CAMKMT: variants seen among roughly 807,000 people sequenced by gnomAD.
CAMKMT encodes the protein CaM KMT.
Under a neutral mutation model 48.0 loss-of-function variants are expected in CAMKMT, and 53 were observed. The ratio of observed to expected loss-of-function variants is 1.10; its 90% confidence interval spans 0.89 to 1.39. The LOEUF (loss-of-function observed/expected upper bound fraction) is 1.39. Ranked by LOEUF, CAMKMT falls within the 40% of genes most tolerant of loss-of-function variation. CAMKMT has a pLI of 0.00. For missense variants in CAMKMT, 428 were observed against 402.7 expected (o/e 1.06, Z -0.54); for synonymous variants, 165 against 152.3 (o/e 1.08, Z -0.61).
chr2:44,618,417 C>T lies in CAMKMT; in HGVS notation c.377-85866C>T, dbSNP rs565913270. On this transcript the variant is annotated intron_variant, in intron 3 of 10. Coordinates refer to ENST00000378494, the MANE Select transcript of CAMKMT (RefSeq NM_024766.5). This position sits in a 1 kb window ranked among gnomAD's most constrained non-coding sequence, Gnocchi z 4.0. ...CCAATTCCCAAGCCTGTCAGCAGAA[C>T]CAATTAGATTTTCAACCAGTAGACA... Among the ~76,000 whole-genome samples the T allele has an allele frequency of 1.1e-3, 161 of 152,282 alleles. 2 individuals carry two copies. The highest frequency in any genetic ancestry group is 1.6e-3 in the Non-Finnish European group (106 of 68,022).
chr2:44,601,119 A>G (rs1398230519), intron 3 of CAMKMT, among the ~76,000 whole-genome samples: 1 of 152,174 alleles, frequency 6.6e-6, no homozygotes, highest in Admixed American at 6.5e-5. Flanking sequence ...AAGTACCAAA[A>G]TATAGCCAGA....
rs1270207616 is a variant in CAMKMT, at chr2:44,719,482, G to A, written c.623+4129G>A. 2.6e-5 allele frequency among the ~76,000 whole-genome samples: 4 copies of A among 152,316 alleles called. 1 individual carries two copies. In the Middle Eastern group the frequency reaches 0.014, roughly 518 times the overall value. On this transcript the variant is annotated intron_variant, in intron 7 of 10. Coordinates refer to ENST00000378494, the MANE Select transcript of CAMKMT (RefSeq NM_024766.5). ...AGATGGAAAAGGCCGTGCCTTCTTGGAGTTTATGTCCTAGGGAGGGAAACA... is the reference window on the plus strand; with the variant it reads ...AGATGGAAAAGGCCGTGCCTTCTTGAAGTTTATGTCCTAGGGAGGGAAACA...
rs1048421917 is a variant in CAMKMT, at chr2:44,706,489, A to G, written c.492+148A>G. The G allele has an allele frequency of 2.7e-5, 19 of 693,330 alleles. No individual in the cohort carries two copies. The Admixed American group carries it at 4.2e-4, about 15-fold the overall frequency. 42.9% of individuals were successfully genotyped at this position (693,330 alleles called of 1,614,324 possible). A position where few individuals can be genotyped will look rare whatever the true frequency, so the allele number is the denominator to read the frequency against. On this transcript the variant is annotated intron_variant, in intron 5 of 10. Coordinates refer to ENST00000378494, the MANE Select transcript of CAMKMT (RefSeq NM_024766.5). ...CTTGAGAGACCTTCTAGATTGACTT[A>G]CTTTCGGATCATATTGATTTTATGG...
chr2:44,486,433 C>T (rs2104698497), intron 3 of CAMKMT, among the ~76,000 whole-genome samples: 1 of 152,216 alleles, frequency 6.6e-6, no homozygotes, highest in South Asian at 2.1e-4. Context: ...CAATACAGAG[C>T]AGAGGAAAAG....
At chr2:44,523,329 G>A (rs1033327249) in intron 3 of CAMKMT, among the ~76,000 whole-genome samples, 24 of 139,404 alleles carry the variant, frequency 1.7e-4, no homozygotes, top group African/African-American at 6.5e-4. Flanking sequence ...GTCTCACTCT[G>A]TCGCCCAGGG....
chr2:44,761,923 A>G (rs1189664060), intron 9 of CAMKMT, among the ~76,000 whole-genome samples: 1 of 152,210 alleles, frequency 6.6e-6, no homozygotes, highest in Non-Finnish European at 1.5e-5. Context: ...GAGATGTAGT[A>G]GGCACTTGAA....
intron 3 of CAMKMT, among the ~76,000 whole-genome samples, chr2:44,445,615 G>T (rs569225059): frequency 2.0e-4 from 30 of 148,510 alleles, no homozygotes; most frequent in Non-Finnish European, 3.6e-4. Flanking sequence ...ACTGGGCTCA[G>T]GGGAAGTCCA....
intron 3 of CAMKMT, among the ~76,000 whole-genome samples, chr2:44,489,031 A>G (rs1259644862): frequency 1.3e-5 from 2 of 151,808 alleles, no homozygotes; most frequent in Non-Finnish European, 2.9e-5. Context: ...ATGCCTGGCT[A>G]AGTTTTAAAC....
intron 3 of CAMKMT, among the ~76,000 whole-genome samples, chr2:44,514,012 G>A (rs1005097572): frequency 6.6e-6 from 1 of 151,394 alleles, no homozygotes; most frequent in African/African-American, 2.4e-5. Context: ...TGAGGTGGGA[G>A]AATCACCTGG....
chr2:44,670,705 G>T (rs1675276980), intron 3 of CAMKMT, among the ~76,000 whole-genome samples: 1 of 152,088 alleles, frequency 6.6e-6, no homozygotes, highest in East Asian at 1.9e-4. Flanking sequence ...AACACAGATT[G>T]CTGGACCCCA....
chr2:44,763,034 C>G (rs760482358), intron 9 of CAMKMT, among the ~76,000 whole-genome samples: 10 of 152,200 alleles, frequency 6.6e-5, no homozygotes, highest in Non-Finnish European at 1.2e-4. Flanking sequence ...GCATATCCCT[C>G]TGATGGTACT....
intron 3 of CAMKMT, among the ~76,000 whole-genome samples, chr2:44,445,672 T>TGG (rs1558621533): frequency 4.7e-5 from 5 of 105,578 alleles, no homozygotes; most frequent in Non-Finnish European, 1.0e-4. Context: ...TTTTTTTTTT[T>TGG]TTTTTTTTTT....
At chr2:44,487,472 C>T (rs972063207) in intron 3 of CAMKMT, among the ~76,000 whole-genome samples, 1 of 152,018 alleles carries the variant, frequency 6.6e-6, no homozygotes, top group Non-Finnish European at 1.5e-5. Flanking sequence ...ATATTTCTAC[C>T]ACTGACATGC....
chr2:44,737,859 CT>C lies in CAMKMT; in HGVS notation c.624-5750del, dbSNP rs751961309. 5.1e-3 allele frequency among the ~76,000 whole-genome samples: 703 copies of C among 136,518 alleles called. 2 individuals carry two copies. Among genetic ancestry groups the C allele is most frequent in the East Asian group, 8.6e-3 (41 of 4,788 alleles). The allele number at this position is 136,518 out of a possible 152,430, so 89.6% of individuals were successfully genotyped here. Reference sequence around the variant, plus strand: ...CTCTCAGTTCCATCTTCTTTTTTTTCTTTTTTTTTTTTTCTTGAGATGGAGT... The same window carrying C: ...CTCTCAGTTCCATCTTCTTTTTTTTCTTTTTTTTTTTTCTTGAGATGGAGT... On this transcript the variant is annotated intron_variant, in intron 7 of 10. Coordinates refer to ENST00000378494, the MANE Select transcript of CAMKMT (RefSeq NM_024766.5).
chr2:44,536,112 A>G (rs1302672854), intron 3 of CAMKMT, among the ~76,000 whole-genome samples: 1 of 152,204 alleles, frequency 6.6e-6, no homozygotes, highest in Admixed American at 6.5e-5. Context: ...CTCATTTGCA[A>G]TAGCTGCAAA....
intron 3 of CAMKMT, among the ~76,000 whole-genome samples, chr2:44,601,355 C>T (rs1373673609): frequency 6.6e-6 from 1 of 152,030 alleles, no homozygotes; most frequent in Non-Finnish European, 1.5e-5. Context: ...ACTCGGGAGG[C>T]TGAGGCAGGA....
At chr2:44,753,596 A>T (rs899024574) in intron 8 of CAMKMT, among the ~76,000 whole-genome samples, 1 of 152,190 alleles carries the variant, frequency 6.6e-6, no homozygotes, top group Non-Finnish European at 1.5e-5. Context: ...TCTAGTCACT[A>T]AACTCTATTA....
rs1262646126 is a variant in CAMKMT, at chr2:44,678,588, A to AT, written c.377-25687dup. ...TAAAGACCAATTGCTTGATATTCAT[A>AT]TTTTTTTTCCTACAGCAGGTTTTAC... is the stretch of plus-strand genomic sequence containing the variant. On this transcript the variant is annotated intron_variant, in intron 3 of 10. Transcript: ENST00000378494. 3.3e-5 allele frequency among the ~76,000 whole-genome samples: 5 copies of AT among 152,162 alleles called. No individual in the cohort carries two copies. In the East Asian group the frequency reaches 5.8e-4, roughly 18 times the overall value.
chr2:44,482,893 G>A (rs920640939), intron 3 of CAMKMT, among the ~76,000 whole-genome samples: 1 of 151,954 alleles, frequency 6.6e-6, no homozygotes, highest in African/African-American at 2.4e-5. Context: ...ATCTAGTTTC[G>A]TGACCTACAA....
Sources: gnomAD v4.1 joint callset for allele counts (sites outside exome capture counted in the v4.1 genomes callset) on GRCh38, gnomAD v4.1.1 for gene constraint, Gnocchi (gnomAD v3.1) non-coding constraint, MANE v1.5 for transcripts, NCBI Gene and HGNC (gene_info 2026-07-23, HGNC 2026-07-21) for gene names.